RTL4: variants seen among roughly 807,000 people sequenced by gnomAD.
RTL4 encodes retrotransposon Gag-like protein 4.
Under a neutral mutation model 5.3 loss-of-function variants are expected in RTL4, and 4 were observed. The observed-to-expected ratio is 0.75, with a 90% CI of 0.37 to 1.72. RTL4 has a LOEUF of 1.72. RTL4 is among the 40% of genes most tolerant of loss of function. The pLI is 0.04. For synonymous variants in RTL4, 98 were observed against 87.3 expected, an observed-to-expected ratio of 1.12 and a Z score of -0.68; for missense variants, 260 against 227.1, an observed-to-expected ratio of 1.14 and a Z score of -0.93.
At chrX:112,178,977 C>T in the RTL4 span, among the ~76,000 whole-genome samples, 19 of 111,749 alleles carry the variant, frequency 1.7e-4, no homozygotes, top group African/African-American at 6.2e-4. Context: ...CAAAGAAAAA[C>T]GTGATTGGTT....
the RTL4 span, among the ~76,000 whole-genome samples, chrX:112,152,838 C>T: frequency 9.0e-6 from 1 of 111,634 alleles, no homozygotes; most frequent in African/African-American, 3.3e-5. Context: ...TCTTCTGTTA[C>T]ATCAAAGTCT....
At chrX:112,308,847 A>AGTG in the RTL4 span, among the ~76,000 whole-genome samples, 1 of 111,576 alleles carries the variant, frequency 9.0e-6, no homozygotes, top group African/African-American at 3.3e-5. Flanking sequence ...CATAGTGTGG[A>AGTG]AACACAGAGG....
chrX:112,428,409 G>C, the RTL4 span, among the ~76,000 whole-genome samples: 3 of 111,656 alleles, frequency 2.7e-5, no homozygotes, highest in Non-Finnish European at 3.8e-5. Flanking sequence ...TGTCCTCTTT[G>C]ACCCATGTAT....
the RTL4 span, among the ~76,000 whole-genome samples, chrX:112,419,595 T>TATATATATATATATATA: frequency 8.5e-4 from 24 of 28,147 alleles, no homozygotes; most frequent in Non-Finnish European, 1.5e-3. Context: ...ATATATATAT[T>TATATATATATATATATA]TTTACATATG....
At chrX:112,425,964 C>A in the RTL4 span, among the ~76,000 whole-genome samples, 8 of 111,640 alleles carry the variant, frequency 7.2e-5, no homozygotes, top group Non-Finnish European at 1.3e-4. Flanking sequence ...TTATTTATTT[C>A]TTGGTTTGCA....
the RTL4 span, among the ~76,000 whole-genome samples, chrX:112,159,329 G>A: frequency 8.9e-6 from 1 of 111,843 alleles, no homozygotes; most frequent in African/African-American, 3.3e-5. Flanking sequence ...CAGAACTGGA[G>A]CCCACAGGCA....
the RTL4 span, among the ~76,000 whole-genome samples, chrX:112,323,823 T>C: frequency 1.2e-4 from 13 of 112,462 alleles, no homozygotes; most frequent in African/African-American, 3.9e-4. Flanking sequence ...ATCTATCTTT[T>C]GTTCTAAAGA....
chrX:112,185,413 A>T, the RTL4 span, among the ~76,000 whole-genome samples: 2 of 103,128 alleles, frequency 1.9e-5, no homozygotes, highest in Non-Finnish European at 3.9e-5. Context: ...ACACACACAC[A>T]CATATATTAG....
the RTL4 span, among the ~76,000 whole-genome samples, chrX:112,423,456 C>T: frequency 6.4e-5 from 7 of 109,568 alleles, no homozygotes; most frequent in East Asian, 2.9e-4. Context: ...TTATGGAAGA[C>T]TCAATCCACT....
chrX:112,456,363 G>T, exon 1 of RTL4: 1 of 308,618 alleles, frequency 3.2e-6, no homozygotes. Context: ...ATACTGCTTG[G>T]AACTGTTGGT....
chrX:112,189,176 T>A, the RTL4 span, among the ~76,000 whole-genome samples: 1 of 110,737 alleles, frequency 9.0e-6, no homozygotes, highest in African/African-American at 3.3e-5. Context: ...GGAAGATTGC[T>A]TGAAGCCAGG....
chrX:112,139,933 C>G, the RTL4 span, among the ~76,000 whole-genome samples: 1 of 111,655 alleles, frequency 9.0e-6, no homozygotes, highest in Admixed American at 9.5e-5. Context: ...CTCTTGCCAC[C>G]ACCATGTAAG....
At chrX:112,182,619 A>C in the RTL4 span, among the ~76,000 whole-genome samples, 2 of 111,925 alleles carry the variant, frequency 1.8e-5, no homozygotes, top group Non-Finnish European at 3.8e-5. Context: ...ATTAGACAAA[A>C]AAAGAATGAA....
At chrX:112,343,597 A>G in the RTL4 span, among the ~76,000 whole-genome samples, 33 of 112,175 alleles carry the variant, frequency 2.9e-4, no homozygotes, top group African/African-American at 1.0e-3. Flanking sequence ...ACAGTTCAAT[A>G]TGTTAATATA....
the RTL4 span, among the ~76,000 whole-genome samples, chrX:112,201,012 A>ATTGGGTT: frequency 2.7e-5 from 3 of 111,623 alleles, no homozygotes; most frequent in African/African-American, 9.8e-5. Flanking sequence ...ATTGCTTGAG[A>ATTGGGTT]TTGGGTAATT....
At chrX:112,325,852 G>A in the RTL4 span, among the ~76,000 whole-genome samples, 14 of 112,083 alleles carry the variant, frequency 1.2e-4, no homozygotes, top group Admixed American at 1.3e-3. Flanking sequence ...ACTACCATCA[G>A]AGTGAACACG....
the RTL4 span, among the ~76,000 whole-genome samples, chrX:112,090,941 A>G: frequency 9.0e-6 from 1 of 111,094 alleles, no homozygotes; most frequent in East Asian, 2.8e-4. Context: ...CTTGTTATAG[A>G]TATTTTCAGA....
chrX:112,310,617 TA>T, the RTL4 span, among the ~76,000 whole-genome samples: 3 of 55,261 alleles, frequency 5.4e-5, no homozygotes, highest in Admixed American at 1.1e-3. Flanking sequence ...TATATATATT[TA>T]TATATATTAT....
the RTL4 span, among the ~76,000 whole-genome samples, chrX:112,105,222 G>A: frequency 9.0e-6 from 1 of 111,266 alleles, no homozygotes; most frequent in African/African-American, 3.3e-5. Context: ...TTATTTCTGG[G>A]CTTTCTATTC....
Sources: allele counts gnomAD v4.1 joint callset (sites outside exome capture counted in the v4.1 genomes callset), GRCh38; gene constraint gnomAD v4.1.1; transcripts MANE v1.5; gene names NCBI Gene and HGNC (gene_info 2026-07-23, HGNC 2026-07-21).